Variants in RGPD1 observed in about 807,000 individuals in gnomAD.
The protein encoded by RGPD1 is RANBP2 like and GRIP domain containing 1, also known as RANBP2-like and GRIP domain-containing protein 1.
A neutral mutation model predicts 40.6 loss-of-function variants in RGPD1; 7 were observed. That is an observed-to-expected ratio of 0.17 (90% CI 0.10 to 0.32). The LOEUF is 0.32. RGPD1 is among the 10% of genes least tolerant of loss of function. RGPD1 has a pLI of 1.00. For synonymous variants in RGPD1, 24 were observed against 167.0 expected (o/e 0.14, Z 6.60); for missense variants, 50 against 472.5 (o/e 0.11, Z 8.29).
At chr2:86,943,962 C>G (rs564846794) in intron 1 of RGPD1, among the ~76,000 whole-genome samples, 1 of 151,220 alleles carries the variant, frequency 6.6e-6, no homozygotes, top group Non-Finnish European at 1.5e-5. Context: ...TCCAGTGAGC[C>G]GAGGTCGCGC....
At chr2:86,930,135 G>C in intron 1 of RGPD1, 1 of 1,509,242 alleles carries the variant, frequency 6.6e-7, no homozygotes, top group South Asian at 1.2e-5. Context: ...GATAGCGGCA[G>C]GAGGGGGGTG....
intron 1 of RGPD1, among the ~76,000 whole-genome samples, chr2:86,944,581 G>C (rs1216993539): frequency 6.6e-6 from 1 of 151,998 alleles, no homozygotes; most frequent in Non-Finnish European, 1.5e-5. Context: ...GTTCTGTTTT[G>C]TTTTTATTTT....
upstream of RGPD1, among the ~76,000 whole-genome samples, chr2:86,940,941 C>T (rs887483248): frequency 2.6e-5 from 4 of 152,180 alleles, no homozygotes; most frequent in African/African-American, 9.7e-5. Context: ...AGCTCAGAAT[C>T]ATCTTTTTCT....
chr2:86,993,205 G>C (rs1449925258), intron 20 of RGPD1, among the ~76,000 whole-genome samples: 1 of 152,098 alleles, frequency 6.6e-6, no homozygotes, highest in African/African-American at 2.4e-5. Flanking sequence ...CGAGAAAGGA[G>C]AAACACAGAC....
At chr2:86,939,105 A>G (rs1197857079), upstream of RGPD1, among the ~76,000 whole-genome samples, 1 of 113,322 alleles carries the variant, frequency 8.8e-6, no homozygotes. Flanking sequence ...CATGGTAGGA[A>G]TATATGACAT....
intron 1 of RGPD1, among the ~76,000 whole-genome samples, chr2:86,924,493 G>C (rs1407743360): frequency 6.7e-6 from 1 of 150,372 alleles, no homozygotes; most frequent in African/African-American, 2.4e-5. Flanking sequence ...AAGAGACGGG[G>C]TGTCACTTTT....
chr2:86,943,176 C>T (rs963821517), intron 1 of RGPD1, among the ~76,000 whole-genome samples: 55 of 151,068 alleles, frequency 3.6e-4, no homozygotes, highest in Admixed American at 1.4e-3. Flanking sequence ...AGTGGCCCGA[C>T]GGCGCAAATG....
At chr2:86,977,987 CA>C in intron 17 of RGPD1, 56 bp downstream of exon 17, 1 of 398,114 alleles carries the variant, frequency 2.5e-6, no homozygotes, top group Non-Finnish European at 4.5e-6. Flanking sequence ...CTTCCCTGGC[CA>C]CTCTCTCACT....
Position 86,930,601 on chromosome 2 carries a change from A to T in RGPD1, c.72+16680A>T, listed in dbSNP as rs1678869870. 2.5e-6 allele frequency: 4 copies of T among 1,611,568 alleles called. No homozygotes were observed. The Admixed American group carries it at 5.0e-5, about 20-fold the overall frequency. ...CAGAACCACCAGAGCTCATAGTAGT[A>T]GGTGCAGCAGCCAGTCTCCCCGCAG... is the stretch of plus-strand genomic sequence containing the variant. On this transcript the variant is annotated intron_variant, in intron 1 of 22. Transcript: ENST00000398193.
At chr2:86,914,206 C>G (rs1405579537) in intron 1 of RGPD1, among the ~76,000 whole-genome samples, 1 of 35,280 alleles carries the variant, frequency 2.8e-5, no homozygotes, top group Non-Finnish European at 6.2e-5. Context: ...CTCGGCCTGG[C>G]CGGGCGGCGG....
chr2:86,942,333 CGG>C (rs1679861131), intron 1 of RGPD1, 25 bp downstream of exon 1: 1 of 971,780 alleles, frequency 1.0e-6, no homozygotes, highest in Non-Finnish European at 1.3e-6. Flanking sequence ...AAGAGACCGA[CGG>C]CCTCGACCTG....
In RGPD1 at chr2:86,914,207, C is replaced by A. The variant is rs1252482587; in HGVS notation, c.72+286C>A. On this transcript the variant is annotated intron_variant, in intron 1 of 22. Transcript: ENST00000398193. Reference sequence around the variant, plus strand: ...ACGGCGGCGGCGGCCTCGGCCTGGCCGGGCGGCGGCGGCGGCCTCGGCCTG... The same window carrying A: ...ACGGCGGCGGCGGCCTCGGCCTGGCAGGGCGGCGGCGGCGGCCTCGGCCTG... Among the ~76,000 whole-genome samples the A allele has an allele frequency of 7.2e-5, 3 of 41,470 alleles. No homozygotes were observed. The East Asian group carries it at 1.8e-3, about 24-fold the overall frequency. The allele number at this position is 41,470 out of a possible 152,430, so 27.2% of individuals were successfully genotyped here. A position where few individuals can be genotyped will look rare whatever the true frequency, so the allele number is the denominator to read the frequency against.
chr2:87,011,327 G>A (rs1682210558), intron 22 of RGPD1: 1 of 99,194 alleles, frequency 1.0e-5, no homozygotes, highest in East Asian at 3.7e-4. Context: ...ATTTCAGCTG[G>A]GTGCTGCAGC....
At chr2:86,931,593 A>C (rs1219330714) in intron 1 of RGPD1, among the ~76,000 whole-genome samples, 3 of 151,998 alleles carry the variant, frequency 2.0e-5, no homozygotes, top group Non-Finnish European at 2.9e-5. Flanking sequence ...AAATGATTTT[A>C]TATTTGTTTT....
At chr2:86,932,193 G>A (rs1679040520) in intron 1 of RGPD1, among the ~76,000 whole-genome samples, 1 of 122,414 alleles carries the variant, frequency 8.2e-6, no homozygotes, top group Admixed American at 8.9e-5. Context: ...TGCTGGATTG[G>A]GATTTTGGGC....
Position 86,942,551 on chromosome 2 carries a change from C to T in RGPD1, c.72+243C>T, listed in dbSNP as rs1417438557. On this transcript the variant is annotated intron_variant, in intron 1 of 22. Coordinates refer to ENST00000641458, the MANE Select transcript of RGPD1 (RefSeq NM_001382344.1). ...CCTCGACCTGGCCGGGCGGCGGCGG[C>T]GGCCTCGACGTGGCCCGGCGGCGGC... 3.7e-3 allele frequency among the ~76,000 whole-genome samples: 476 copies of T among 129,008 alleles called. 2 individuals carry two copies. The highest frequency in any genetic ancestry group is 5.1e-3 in the African/African-American group (174 of 34,426). The allele number at this position is 129,008 out of a possible 152,430, so 84.6% of individuals were successfully genotyped here.
upstream of RGPD1, among the ~76,000 whole-genome samples, chr2:86,941,068 G>T (rs1679707362): frequency 6.6e-6 from 1 of 151,122 alleles, no homozygotes; most frequent in Non-Finnish European, 1.5e-5. Context: ...AAACAAAAAG[G>T]ATAAAAAATT....
In RGPD1 at chr2:86,914,524, C is replaced by T. The variant is rs868220965; in HGVS notation, c.72+603C>T. Among the ~76,000 whole-genome samples the T allele has an allele frequency of 1.1e-3, 16 of 15,232 alleles. 1 individual carries two copies. The highest frequency in any genetic ancestry group is 4.4e-3 in the African/African-American group (5 of 1,144). The allele number at this position is 15,232 out of a possible 152,430, so 10.0% of individuals were successfully genotyped here. A position where few individuals can be genotyped will look rare whatever the true frequency, so the allele number is the denominator to read the frequency against. ...GCGGCGGCGGCGGCGGCGGCGGCGG[C>T]GGCGGCCTCGGCCTGGCCGGGCGGC... On this transcript the variant is annotated intron_variant, in intron 1 of 22. Coordinates refer to the RGPD1 transcript ENST00000398193.
chr2:86,931,990 T>C (rs1475769510), intron 1 of RGPD1, among the ~76,000 whole-genome samples: 11 of 148,356 alleles, frequency 7.4e-5, no homozygotes, highest in Admixed American at 6.7e-4. Flanking sequence ...ATTCATATTA[T>C]ATATATATGT....
Sources: allele counts gnomAD v4.1 joint callset (sites outside exome capture counted in the v4.1 genomes callset), GRCh38; gene constraint gnomAD v4.1.1; transcripts MANE v1.5; gene names NCBI Gene and HGNC (gene_info 2026-07-23, HGNC 2026-07-21).